Variants in TAF5 observed in about 807,000 individuals in gnomAD.
TAF5 encodes TATA-box binding protein associated factor 5, also known as transcription initiation factor TFIID subunit 5.
A neutral mutation model predicts 80.9 loss-of-function variants in TAF5; 20 were observed. That is an observed-to-expected ratio of 0.25 (90% CI 0.17 to 0.36). The LOEUF (loss-of-function observed/expected upper bound fraction) is 0.36. Ranked by LOEUF, TAF5 falls within the 10% of genes least tolerant of loss-of-function variation. The pLI, the probability that TAF5 is intolerant of heterozygous loss-of-function variation, is 1.00. For synonymous variants in TAF5, 388 were observed against 406.4 expected, an observed-to-expected ratio of 0.95 and a Z score of 0.55; for missense variants, 863 against 1,029.4, an observed-to-expected ratio of 0.84 and a Z score of 2.21.
Position 103,368,555 on chromosome 10 carries a change from C to T in TAF5, c.559+7C>T. ...CCTGCGGCTCCGGGTAAAGGTGAGC[C>T]GTGGGGTCCCGGGTAGGTACGGCCG... On this transcript the variant is annotated splice_region_variant and intron_variant, in intron 1 of 10. Coordinates refer to ENST00000369839, the MANE Select transcript of TAF5 (RefSeq NM_006951.5). The T allele has an allele frequency of 6.7e-7, 1 of 1,489,376 alleles. No individual in the cohort carries two copies. The highest frequency in any genetic ancestry group is 1.3e-5 in the South Asian group (1 of 76,216). 92.3% of individuals were successfully genotyped at this position (1,489,376 alleles called of 1,614,324 possible).
intron 2 of TAF5, among the ~76,000 whole-genome samples, chr10:103,376,601 G>C (rs923537130): frequency 6.6e-6 from 1 of 150,758 alleles, no homozygotes; most frequent in African/African-American, 2.4e-5. Context: ...AAATAAGAAA[G>C]GCTGATGACA....
chr10:103,369,312 A>G (rs542180245), intron 1 of TAF5, among the ~76,000 whole-genome samples: 16 of 148,992 alleles, frequency 1.1e-4, no homozygotes, highest in Admixed American at 8.8e-4. Flanking sequence ...AGTCCTGCAC[A>G]TCATGTACCC....
rs749979961 is a variant in TAF5, at chr10:103,379,845, T to C, written c.1278-39T>C. The C allele has an allele frequency of 3.1e-6, 5 of 1,603,648 alleles. No individual in the cohort carries two copies. The African/African-American group carries it at 5.4e-5, about 17-fold the overall frequency. On this transcript the variant is annotated intron_variant, in intron 4 of 10. Transcript: ENST00000369839. ...GTTATATAGAGTTCAAGTTTGTTAA[T>C]AGTCAAAAGGTAATTTTGACTCTCT...
chr10:103,373,298 A>G (rs2093363840), intron 1 of TAF5, 60 bp from the exon 2 acceptor site: 8 of 1,386,836 alleles, frequency 5.8e-6, no homozygotes, highest in Non-Finnish European at 8.0e-6. Context: ...TTAACAATAC[A>G]GCCATAGTCA....
intron 1 of TAF5, among the ~76,000 whole-genome samples, chr10:103,371,038 C>T (rs528198473): frequency 6.6e-6 from 1 of 152,180 alleles, no homozygotes; most frequent in South Asian, 2.1e-4. Context: ...GTCAGGAGAT[C>T]AAGACCAGCT....
chr10:103,377,098 T>C (rs2133628355), intron 2 of TAF5, among the ~76,000 whole-genome samples: 1 of 152,284 alleles, frequency 6.6e-6, no homozygotes, highest in East Asian at 1.9e-4. Context: ...TCAGGCTGCA[T>C]TGAACCACTG....
Position 103,378,195 on chromosome 10 carries a change from G to T in TAF5, c.798-40G>T, listed in dbSNP as rs780413277. ...ATGGGGGAAAGGCAGATCCCTTAAT[G>T]ATTACATTGAAAAATGACTTTTTAA... On this transcript the variant is annotated intron_variant, in intron 2 of 10. Coordinates refer to ENST00000369839, the MANE Select transcript of TAF5 (RefSeq NM_006951.5). This position sits in a 1 kb window ranked among gnomAD's most constrained non-coding sequence, Gnocchi z 4.1. The T allele has an allele frequency of 6.4e-7, 1 of 1,560,804 alleles. No individual in the cohort carries two copies. The highest frequency in any genetic ancestry group is 1.7e-5 in the Admixed American group (1 of 57,502).
chr10:103,387,316 GAA>G lies in TAF5; in HGVS notation c.1972_1973del (p.Asn658TrpfsTer2), dbSNP rs1401394828. 1.2e-6 allele frequency: 2 copies of G among 1,614,080 alleles called. No homozygotes were observed. Among genetic ancestry groups the G allele is most frequent in the South Asian group, 2.2e-5 (2 of 91,074 alleles). ...DRTVRLWDVL[N>X]GNCVRIFTGH... is the part of the protein sequence containing the mutation. Reference sequence around the variant, plus strand: ...GAACTGTGCGGCTCTGGGACGTCCTGAATGGTAACTGTGTAAGGATCTTCACT... The same window carrying G: ...GAACTGTGCGGCTCTGGGACGTCCTGTGGTAACTGTGTAAGGATCTTCACT... On this transcript the variant is annotated frameshift_variant, in exon 9 of 11. Coordinates refer to ENST00000369839, the MANE Select transcript of TAF5 (RefSeq NM_006951.5). LOFTEE classifies it high-confidence loss of function.
At chr10:103,383,171 G>A in intron 6 of TAF5, 67 bp from the exon 7 acceptor site, 3 of 1,414,660 alleles carry the variant, frequency 2.1e-6, no homozygotes, top group Non-Finnish European at 1.9e-6. Flanking sequence ...CCTGCACTGT[G>A]ATATGATTAC....
chr10:103,378,120 G>T lies in TAF5; in HGVS notation c.798-115G>T. 1 of 843,542 alleles carries T rather than the reference G, an allele frequency of 1.2e-6. No homozygotes were observed. Among genetic ancestry groups the T allele is most frequent in the Non-Finnish European group, 1.8e-6 (1 of 548,922 alleles). The allele number at this position is 843,542 out of a possible 1,614,324, so 52.3% of individuals were successfully genotyped here. On this transcript the variant is annotated intron_variant, in intron 2 of 10. Coordinates refer to ENST00000369839, the MANE Select transcript of TAF5 (RefSeq NM_006951.5). This position sits in a 1 kb window ranked among gnomAD's most constrained non-coding sequence, Gnocchi z 4.1. ...CTTCTTATCCTACAGCTTAGTTCAG[G>T]ATTATTTAGACTACTACATTGAAAA...
intron 7 of TAF5, among the ~76,000 whole-genome samples, chr10:103,384,885 C>T (rs1304756666): frequency 6.6e-6 from 1 of 151,940 alleles, no homozygotes; most frequent in Non-Finnish European, 1.5e-5. Context: ...AAGACATTTC[C>T]TTTTTAATTC....
intron 3 of TAF5, 150 bp from the exon 4 acceptor site, chr10:103,379,458 A>T: frequency 1.5e-6 from 1 of 670,150 alleles, no homozygotes; most frequent in Non-Finnish European, 2.4e-6. Context: ...GTAAGGAAAA[A>T]GGGGAGAATG....
intron 8 of TAF5, among the ~76,000 whole-genome samples, chr10:103,386,740 T>C (rs2093397283): frequency 6.6e-6 from 1 of 150,516 alleles, no homozygotes; most frequent in Non-Finnish European, 1.5e-5. Flanking sequence ...CTCGGCTCAC[T>C]GCAACCTCTA....
chr10:103,383,514 C>T, intron 7 of TAF5, 147 bp downstream of exon 7: 2 of 777,266 alleles, frequency 2.6e-6, no homozygotes, highest in Non-Finnish European at 3.8e-6. Context: ...TAGAATCTTG[C>T]CATTTGCTAA....
rs2093402192 is a variant in TAF5 at position 103,388,139 on chromosome 10, T to C, written c.2319T>C (p.Tyr773=). The change falls in exon 11 of 11, where the codon TAT becomes TAC. Residue 773 remains tyrosine, a synonymous_variant. Coordinates refer to ENST00000369839, the MANE Select transcript of TAF5 (RefSeq NM_006951.5). ...CACAGGAGTTATTGTTGGGAACATA[T>C]ATGACCAAATCAACACCAGTTGTAC... is the stretch of plus-strand genomic sequence containing the variant. ...ENSQELLLGT[Y]MTKSTPVVHL... 1.9e-6 allele frequency: 3 copies of C among 1,614,086 alleles called. No homozygotes were observed. Among genetic ancestry groups the C allele is most frequent in the Non-Finnish European group, 1.7e-6 (2 of 1,179,980 alleles).
At chr10:103,386,664 A>AT (rs34851825) in intron 8 of TAF5, among the ~76,000 whole-genome samples, 51,779 of 133,854 alleles carry the variant, frequency 0.39, 10,749 homozygotes, top group South Asian at 0.57. Context: ...AGACCTCAGC[A>AT]TTTTTTTTTT....
In TAF5 at chr10:103,374,479, C is replaced by T. The variant is rs1403484739; in HGVS notation, c.797+884C>T. 6.6e-6 allele frequency among the ~76,000 whole-genome samples: 1 copy of T among 152,220 alleles called. No individual in the cohort carries two copies. The highest frequency in any genetic ancestry group is 2.4e-5 in the African/African-American group (1 of 41,466). On this transcript the variant is annotated intron_variant, in intron 2 of 10. Coordinates refer to ENST00000369839, the MANE Select transcript of TAF5 (RefSeq NM_006951.5). The surrounding 1 kb of genome is among the most constrained non-coding windows in gnomAD (Gnocchi z 4.3). Reference sequence around the variant, plus strand: ...AGGTAGGGCACACGGAAACTGCACACACTTCTTCCTTTTATATCTTAACAG... The same window carrying T: ...AGGTAGGGCACACGGAAACTGCACATACTTCTTCCTTTTATATCTTAACAG...
intron 1 of TAF5, 134 bp downstream of exon 1, chr10:103,368,682 C>A: frequency 8.2e-7 from 1 of 1,222,562 alleles, no homozygotes; most frequent in Non-Finnish European, 1.1e-6. Flanking sequence ...ACATGCCCGC[C>A]CCTTTCTCTA....
rs748612432 is a variant in TAF5, at chr10:103,381,801, G to A, written c.1494G>A (p.Ser498=). Residue 498 remains serine, a synonymous_variant, in exon 6 of 11, where the codon TCG becomes TCA. Coordinates refer to ENST00000369839, the MANE Select transcript of TAF5 (RefSeq NM_006951.5). Reference sequence around the variant, plus strand: ...CAGATTCAACTGTCAGAGTGTGGTCGGTAACACCCAAAAAGCTTCGTAGTG... The same window carrying A: ...CAGATTCAACTGTCAGAGTGTGGTCAGTAACACCCAAAAAGCTTCGTAGTG... ...GFADSTVRVW[S]VTPKKLRSVK... is the part of the protein sequence containing the mutation. The A allele has an allele frequency of 5.6e-6, 9 of 1,613,986 alleles. No homozygotes were observed. Among genetic ancestry groups the A allele is most frequent in the East Asian group, 2.2e-5 (1 of 44,896 alleles).
Sources: allele counts gnomAD v4.1 joint callset (sites outside exome capture counted in the v4.1 genomes callset), GRCh38; gene constraint gnomAD v4.1.1; non-coding constraint Gnocchi (gnomAD v3.1); transcripts MANE v1.5; gene names NCBI Gene and HGNC (gene_info 2026-07-23, HGNC 2026-07-21).